The following BTN3A3 variants were observed in gnomAD, a reference collection of about 807,000 sequenced individuals.
BTN3A3 encodes butyrophilin 3.
Under a neutral mutation model 43.2 loss-of-function variants are expected in BTN3A3, and 39 were observed. That is an observed-to-expected ratio of 0.90 (90% CI 0.70 to 1.18). The LOEUF is 1.18. Ranked by LOEUF, BTN3A3 falls within the 50% of genes most tolerant of loss-of-function variation. The probability of loss-of-function intolerance (pLI) is 0.00; values close to 1 mark genes in which losing one functional copy is unlikely to be tolerated. For missense variants in BTN3A3, 631 were observed against 722.8 expected (o/e 0.87, Z 1.46); for synonymous variants, 255 against 272.7 (o/e 0.93, Z 0.64).
rs1248466115 is a variant in BTN3A3, at chr6:26,443,422, G to A, written c.-26G>A. On this transcript the variant is annotated 5_prime_UTR_variant, in exon 2 of 11. Transcript: ENST00000244519. ...GGAACCCAAAGGTAAAGACACTCAA[G>A]GACAGACATTTTTGGCAGAGGTAAG... 8.9e-6 allele frequency: 13 copies of A among 1,457,680 alleles called. No individual in the cohort carries two copies. The South Asian group carries it at 1.2e-4, about 13-fold the overall frequency. 90.3% of individuals were successfully genotyped at this position (1,457,680 alleles called of 1,614,324 possible). A position where few individuals can be genotyped will look rare whatever the true frequency, so the allele number is the denominator to read the frequency against.
intron 5 of BTN3A3, among the ~76,000 whole-genome samples, chr6:26,446,638 A>G (rs995911875): frequency 3.3e-5 from 5 of 152,178 alleles, no homozygotes; most frequent in African/African-American, 7.2e-5. Context: ...TCCAAACTAC[A>G]TATTTATTGA....
intron 4 of BTN3A3, 44 bp downstream of exon 4, chr6:26,444,348 C>A: frequency 6.2e-7 from 1 of 1,611,888 alleles, no homozygotes; most frequent in Non-Finnish European, 8.5e-7. Flanking sequence ...TCTGTAGGAT[C>A]TAGAGCAGAT....
At position 26,445,921 on chromosome 6, in the gene BTN3A3, T is replaced by C; in HGVS notation, c.651T>C (p.Gly217=). 6.2e-7 allele frequency: 1 copy of C among 1,613,920 alleles called. No individual in the cohort carries two copies. The highest frequency in any genetic ancestry group is 1.1e-5 in the South Asian group (1 of 91,066). Reference sequence around the variant, plus strand: ...TCATGAGAGGCAGCTCTGGTGGGGGTGTATCCTGCATCATCAGAAATTCCC... The same window carrying C: ...TCATGAGAGGCAGCTCTGGTGGGGGCGTATCCTGCATCATCAGAAATTCCC... ...SVIMRGSSGG[G]VSCIIRNSLL... The change falls in exon 5 of 11, where the codon GGT becomes GGC. Residue 217 remains glycine (G), a synonymous_variant. Transcript: ENST00000244519.
At chr6:26,446,790 G>T (rs539483450) in intron 5 of BTN3A3, among the ~76,000 whole-genome samples, 1 of 152,080 alleles carries the variant, frequency 6.6e-6, no homozygotes, top group East Asian at 1.9e-4. Flanking sequence ...GTGCAATGGC[G>T]CAATCTCGGC....
Position 26,445,900 on chromosome 6 carries a change from G to C in BTN3A3, c.630G>C (p.Met210Ile), listed in dbSNP as rs1762765251. Reference protein sequence around the residue: ...GLYAVAASVIMRGSSGGGVSC... With the variant: ...GLYAVAASVIIRGSSGGGVSC... Reference sequence around the variant, plus strand: ...ATGCAGTAGCAGCATCTGTGATCATGAGAGGCAGCTCTGGTGGGGGTGTAT... The same window carrying C: ...ATGCAGTAGCAGCATCTGTGATCATCAGAGGCAGCTCTGGTGGGGGTGTAT... The change falls in exon 5 of 11, where the codon ATG (methionine) becomes ATC (isoleucine). Residue 210 changes from methionine (M) to isoleucine (I), a missense_variant. By Grantham distance (10) the Met-to-Ile change is conservative. This residue lies in a region of BTN3A3 where 551 missense variants were observed against 584.0 expected (regional missense o/e 0.94). Transcript: ENST00000244519. The C allele has an allele frequency of 6.2e-7, 1 of 1,614,094 alleles. No individual in the cohort carries two copies. The highest frequency in any genetic ancestry group is 1.7e-5 in the Admixed American group (1 of 60,008).
At chr6:26,444,464 ATTCT>A (rs1175034508) in intron 4 of BTN3A3, 160 bp downstream of exon 4, 1 of 1,164,118 alleles carries the variant, frequency 8.6e-7, no homozygotes, top group African/African-American at 1.6e-5. Context: ...AGAAAGACAC[ATTCT>A]TTCTTTAGAA....
intron 3 of BTN3A3, 116 bp downstream of exon 3, chr6:26,443,775 A>G (rs1285732644): frequency 8.0e-6 from 12 of 1,491,342 alleles, no homozygotes; most frequent in African/African-American, 1.4e-5. Context: ...ACTCATTCCC[A>G]TACCTGGAAG....
At chr6:26,442,746 C>A (rs1201802538) in intron 1 of BTN3A3, among the ~76,000 whole-genome samples, 2 of 152,232 alleles carry the variant, frequency 1.3e-5, no homozygotes, top group Non-Finnish European at 2.9e-5. Flanking sequence ...CTTTGCTAGA[C>A]TAGACATCAG....
rs768319034 is a variant in BTN3A3, at chr6:26,448,430, C to G, written c.898C>G (p.Gln300Glu). Reference protein sequence around the residue: ...MKEMGYAATEQEISLREKLQE... With the variant: ...MKEMGYAATEEEISLREKLQE... The stretch of plus-strand genomic sequence containing the variant: ...AGAAATGGGATACGCTGCAACAGAG[C>G]AAGAAATAAGCCTAAGAGGTATCCA... Residue 300 changes from glutamine to glutamate, a missense_variant, in exon 6 of 11, where the codon CAA (glutamine) becomes GAA (glutamate). Gln to Glu is a conservative substitution (Grantham distance 29). Transcript: ENST00000244519. The G allele has an allele frequency of 3.1e-6, 5 of 1,613,682 alleles. No individual in the cohort carries two copies. Among genetic ancestry groups the G allele is most frequent in the Middle Eastern group, 1.6e-4 (1 of 6,062 alleles).
Position 26,452,499 on chromosome 6 carries a change from G to C in BTN3A3, c.*88G>C. The stretch of plus-strand genomic sequence containing the variant: ...ATACAGATAAGGAAACTGGGGTGCA[G>C]AAAGGTGAATTAACTTTACAAAGTA... On this transcript the variant is annotated 3_prime_UTR_variant, in exon 11 of 11. Transcript: ENST00000244519. 8.3e-7 allele frequency: 1 copy of C among 1,201,718 alleles called. No individual in the cohort carries two copies. The highest frequency in any genetic ancestry group is 1.1e-6 in the Non-Finnish European group (1 of 882,884). The allele number at this position is 1,201,718 out of a possible 1,614,324, so 74.4% of individuals were successfully genotyped here.
chr6:26,444,172 C>T lies in BTN3A3; in HGVS notation c.301C>T (p.Arg101Trp), dbSNP rs149312684. The change falls in exon 4 of 11, where the codon CGG becomes TGG. Residue 101 changes from arginine to tryptophan, a missense_variant. Physicochemically the swap from Arg to Trp is moderately radical, Grantham distance 101. Coordinates refer to ENST00000244519, the MANE Select transcript of BTN3A3 (RefSeq NM_006994.5). ...APYRGRTSIL[R>W]DGITAGKAAL... ...GTATCGAGGGAGAACTTCGATTCTGCGGGATGGCATCACTGCAGGGAAGGC... is the reference window on the plus strand; with the variant it reads ...GTATCGAGGGAGAACTTCGATTCTGTGGGATGGCATCACTGCAGGGAAGGC... The T allele has an allele frequency of 5.1e-5, 82 of 1,612,004 alleles. 1 individual carries two copies. The African/African-American group carries it at 7.1e-4, about 14-fold the overall frequency.
intron 10 of BTN3A3, 100 bp downstream of exon 10, chr6:26,450,233 G>C: frequency 7.0e-7 from 1 of 1,424,492 alleles, no homozygotes; most frequent in Non-Finnish European, 9.8e-7. Context: ...AAGTTCCCTT[G>C]ACTAAGAAAG....
chr6:26,449,762 C>T (rs1430283002), intron 9 of BTN3A3, 74 bp downstream of exon 9: 1 of 1,555,172 alleles, frequency 6.4e-7, no homozygotes, highest in Non-Finnish European at 8.9e-7. Flanking sequence ...TCTGCTGTGA[C>T]CCATTGACGT....
intron 4 of BTN3A3, 81 bp downstream of exon 4, chr6:26,444,385 C>T (rs964316570): frequency 1.2e-6 from 2 of 1,604,108 alleles, no homozygotes; most frequent in Non-Finnish European, 1.7e-6. Flanking sequence ...AAAAGTACTG[C>T]AGACACTCCT....
intron 8 of BTN3A3, among the ~76,000 whole-genome samples, chr6:26,448,970 G>T (rs1382876478): frequency 2.0e-5 from 3 of 151,872 alleles, no homozygotes; most frequent in Non-Finnish European, 4.4e-5. Context: ...AGAAAAAGAG[G>T]TCTTCAATCT....
rs141739374 is a variant in BTN3A3, at chr6:26,451,760, G to A, written c.1104G>A (p.Pro368=). ...GGAGTGTGCAGCGTGCTGAAGAGCC[G>A]CGGGATCTGCCAGACAACCCTGAGA... The part of the protein sequence containing the change: ...DQRSVQRAEE[P]RDLPDNPERF... The change falls in exon 11 of 11, where the codon CCG becomes CCA. Residue 368 remains proline, a synonymous_variant. Transcript: ENST00000244519. 350 of 1,614,048 alleles carry A rather than the reference G, an allele frequency of 2.2e-4. No homozygotes were observed. The highest frequency in any genetic ancestry group is 3.3e-4 in the Middle Eastern group (2 of 6,062).
chr6:26,450,526 A>C (rs1379956312), intron 10 of BTN3A3, among the ~76,000 whole-genome samples: 1 of 152,230 alleles, frequency 6.6e-6, no homozygotes, highest in Non-Finnish European at 1.5e-5. Flanking sequence ...GTGTCACCTC[A>C]AATGATTTAA....
chr6:26,449,852 C>T (rs537236400), intron 9 of BTN3A3, among the ~76,000 whole-genome samples, 164 bp downstream of exon 9: 1 of 152,274 alleles, frequency 6.6e-6, no homozygotes, highest in South Asian at 2.1e-4. Context: ...TCTGGAGCCT[C>T]TGAGAGACTC....
At chr6:26,444,334 C>G in intron 4 of BTN3A3, 30 bp downstream of exon 4, 1 of 1,612,012 alleles carries the variant, frequency 6.2e-7, no homozygotes, top group Non-Finnish European at 8.5e-7. Context: ...TCTGAGAACA[C>G]TTCTCTGTAG....
Sources: allele counts gnomAD v4.1 joint callset (sites outside exome capture counted in the v4.1 genomes callset), GRCh38; gene constraint gnomAD v4.1.1; regional missense constraint gnomAD v4.1.1; transcripts MANE v1.5; gene names NCBI Gene and HGNC (gene_info 2026-07-23, HGNC 2026-07-21).